Variants in NAALADL2 observed in about 807,000 individuals in gnomAD.
NAALADL2 encodes N-acetylated alpha-linked acidic dipeptidase like 2.
Under a neutral mutation model 87.2 loss-of-function variants are expected in NAALADL2, and 76 were observed. That is an observed-to-expected ratio of 0.87 (90% CI 0.72 to 1.05). NAALADL2 has a LOEUF of 1.05. Ranked by LOEUF, NAALADL2 falls within the 50% of genes least tolerant of loss-of-function variation. The pLI is 0.00. For synonymous variants in NAALADL2, 354 were observed against 331.0 expected, an observed-to-expected ratio of 1.07 and a Z score of -0.75; for missense variants, 1,089 against 945.8, an observed-to-expected ratio of 1.15 and a Z score of -1.99.
intron 1 of NAALADL2, among the ~76,000 whole-genome samples, chr3:175,088,401 TATC>T: frequency 6.6e-6 from 1 of 152,192 alleles, no homozygotes; most frequent in Non-Finnish European, 1.5e-5. Flanking sequence ...TTAACCACAG[TATC>T]ATGATATATT....
intron 4 of NAALADL2, among the ~76,000 whole-genome samples, chr3:175,303,473 T>C (rs958451244): frequency 6.6e-6 from 1 of 152,134 alleles, no homozygotes; most frequent in Non-Finnish European, 1.5e-5. Flanking sequence ...AAAAAAAATT[T>C]CCCATATTTC....
chr3:175,317,938 C>A (rs1759363368), intron 4 of NAALADL2, among the ~76,000 whole-genome samples: 1 of 151,956 alleles, frequency 6.6e-6, no homozygotes, highest in Non-Finnish European at 1.5e-5. Context: ...GGAAATTCCA[C>A]CTGTGGAAAT....
chr3:174,831,756 T>C (rs1335860139), intron 3 of NAALADL2, among the ~76,000 whole-genome samples: 1 of 151,516 alleles, frequency 6.6e-6, no homozygotes, highest in African/African-American at 2.4e-5. Context: ...TTTTGGTTGG[T>C]AAGCTATTGA....
At chr3:175,166,944 C>T (rs149497677) in intron 2 of NAALADL2, among the ~76,000 whole-genome samples, 2,940 of 152,140 alleles carry the variant, frequency 0.019, 89 homozygotes, top group African/African-American at 0.066. Flanking sequence ...TCTAATCAAT[C>T]ATTCAATTCT....
At chr3:174,770,919 A>G (rs776616823) in intron 3 of NAALADL2, among the ~76,000 whole-genome samples, 1 of 152,162 alleles carries the variant, frequency 6.6e-6, no homozygotes. Flanking sequence ...AAAATTGTTA[A>G]CTCATAGTTT....
Position 175,136,291 on chromosome 3 carries a change from G to C in NAALADL2, c.545+39000G>C, listed in dbSNP as rs192876734. On this transcript the variant is annotated intron_variant, in intron 2 of 13. Transcript: ENST00000454872. ...AAGAGTTTAGAGTTGACTTGAGGGA[G>C]GCAGGAAGCTCTAAAGCAGTTTATC... Among the ~76,000 whole-genome samples, 461 of 152,256 alleles carry C rather than the reference G, an allele frequency of 3.0e-3. 1 individual carries two copies. Among genetic ancestry groups the C allele is most frequent in the Non-Finnish European group, 5.4e-3 (367 of 68,022 alleles).
chr3:175,705,683 A>G (rs1478353991), intron 11 of NAALADL2, among the ~76,000 whole-genome samples: 1 of 152,124 alleles, frequency 6.6e-6, no homozygotes, highest in Non-Finnish European at 1.5e-5. Context: ...GTTAAATATT[A>G]TTGCCACTTT....
chr3:175,723,992 A>G (rs1742584898), intron 11 of NAALADL2, among the ~76,000 whole-genome samples: 1 of 150,868 alleles, frequency 6.6e-6, no homozygotes, highest in Non-Finnish European at 1.5e-5. Flanking sequence ...GTGACGTTTC[A>G]TATGTTCTTT....
chr3:174,900,919 A>G (rs1732230497), intron 1 of NAALADL2, among the ~76,000 whole-genome samples: 1 of 152,218 alleles, frequency 6.6e-6, no homozygotes, highest in Admixed American at 6.5e-5. Flanking sequence ...CTTTAACCTA[A>G]ATTTATCACT....
At chr3:174,951,638 C>T (rs1740363573) in intron 1 of NAALADL2, among the ~76,000 whole-genome samples, 1 of 151,988 alleles carries the variant, frequency 6.6e-6, no homozygotes, top group Admixed American at 6.6e-5. Flanking sequence ...TGCCTAAGTG[C>T]TTTTATATTC....
At chr3:175,243,997 G>C (rs530490971) in intron 3 of NAALADL2, among the ~76,000 whole-genome samples, 2 of 152,154 alleles carry the variant, frequency 1.3e-5, no homozygotes, top group South Asian at 4.1e-4. Context: ...CAAGCAACTG[G>C]GACTGACTGG....
rs1365840243 is a variant in NAALADL2, at chr3:175,013,263, ATTT to A, written c.44-83524_44-83522del. 6.7e-3 allele frequency among the ~76,000 whole-genome samples: 638 copies of A among 95,408 alleles called. 20 individuals carry two copies. Among genetic ancestry groups the A allele is most frequent in the African/African-American group, 0.028 (608 of 21,766 alleles). 62.6% of individuals were successfully genotyped at this position (95,408 alleles called of 152,430 possible). On this transcript the variant is annotated intron_variant, in intron 1 of 13. Transcript: ENST00000454872. ...TATATAAAATATATAATATACATAT[ATTT>A]TTATATATATACATATATATATATA...
chr3:174,957,153 C>G (rs1741266500), intron 1 of NAALADL2, among the ~76,000 whole-genome samples: 1 of 151,966 alleles, frequency 6.6e-6, no homozygotes, highest in African/African-American at 2.4e-5. Flanking sequence ...GCATCTTTTC[C>G]TCATTCTAAG....
intron 13 of NAALADL2, among the ~76,000 whole-genome samples, chr3:175,790,685 C>A (rs1019089761): frequency 3.3e-5 from 5 of 152,172 alleles, no homozygotes; most frequent in Non-Finnish European, 7.4e-5. Context: ...CACTATACTC[C>A]TTTCCTCCCC....
At position 174,929,040 on chromosome 3, in the gene NAALADL2, G is replaced by C. The variant is rs73174800; in HGVS notation, c.43+69590G>C. ...TTTGATTTTATAAGCTGTTATATGG[G>C]AGATATGCATCTCTTAGGAGATGAC... On this transcript the variant is annotated intron_variant, in intron 1 of 13. Transcript: ENST00000454872. Among the ~76,000 whole-genome samples the C allele has an allele frequency of 6.1e-3, 936 of 152,246 alleles. 5 individuals carry two copies. The highest frequency in any genetic ancestry group is 9.5e-3 in the Non-Finnish European group (647 of 68,014).
At chr3:174,565,364 G>A (rs1714133952) in intron 2 of NAALADL2, among the ~76,000 whole-genome samples, 1 of 151,910 alleles carries the variant, frequency 6.6e-6, no homozygotes, top group African/African-American at 2.4e-5. Context: ...GGCAATCACT[G>A]ATTTTTTTAC....
intron 9 of NAALADL2, among the ~76,000 whole-genome samples, chr3:175,573,907 G>A (rs186780529): frequency 6.6e-6 from 1 of 151,976 alleles, no homozygotes; most frequent in East Asian, 1.9e-4. Context: ...TTCCAAAGTG[G>A]TTAATCAGCC....
chr3:174,876,724 T>C (rs1191438760), intron 1 of NAALADL2, among the ~76,000 whole-genome samples: 4 of 152,182 alleles, frequency 2.6e-5, no homozygotes, highest in African/African-American at 9.6e-5. Flanking sequence ...TATCCTTGTC[T>C]GTTATATTGA....
At chr3:175,069,113 T>C (rs923445646) in intron 1 of NAALADL2, among the ~76,000 whole-genome samples, 3 of 151,496 alleles carry the variant, frequency 2.0e-5, no homozygotes, top group African/African-American at 7.3e-5. Flanking sequence ...AAGGACTTCA[T>C]GTCTCAAACA....
Sources: allele counts gnomAD v4.1 joint callset (sites outside exome capture counted in the v4.1 genomes callset), GRCh38; gene constraint gnomAD v4.1.1; transcripts MANE v1.5; gene names NCBI Gene and HGNC (gene_info 2026-07-23, HGNC 2026-07-21).